The following ANK3 variants were observed in gnomAD, a reference collection of about 807,000 sequenced individuals.
The protein encoded by ANK3 is ankyrin 3.
Under a neutral mutation model 370.9 loss-of-function variants are expected in ANK3, and 57 were observed. That is an observed-to-expected ratio of 0.15 (90% CI 0.12 to 0.19). The LOEUF (loss-of-function observed/expected upper bound fraction) is 0.19. ANK3 is among the 10% of genes least tolerant of loss of function. The probability of loss-of-function intolerance (pLI) is 1.00; values close to 1 mark genes in which losing one functional copy is unlikely to be tolerated. For synonymous variants in ANK3, 1,929 were observed against 1,946.3 expected (o/e 0.99, Z 0.23); for missense variants, 4,439 against 5,302.1 (o/e 0.84, Z 5.06).
At chr10:60,561,836 A>T (rs1306880671) in intron 2 of ANK3, among the ~76,000 whole-genome samples, 1 of 152,164 alleles carries the variant, frequency 6.6e-6, no homozygotes, top group Non-Finnish European at 1.5e-5. Context: ...CAAGAGTCAT[A>T]TCAGCCAGAC....
intron 7 of ANK3, among the ~76,000 whole-genome samples, chr10:60,240,763 T>C (rs1474469276): frequency 6.6e-6 from 1 of 152,198 alleles, no homozygotes; most frequent in Non-Finnish European, 1.5e-5. Flanking sequence ...AAATAATTTT[T>C]GTATTTTTAG....
chr10:60,571,202 G>A (rs1023535510), intron 2 of ANK3, among the ~76,000 whole-genome samples: 13 of 152,216 alleles, frequency 8.5e-5, no homozygotes, highest in Non-Finnish European at 1.6e-4. Context: ...TGTACAAGAA[G>A]TCAAGGCTGA....
At chr10:60,249,769 G>A (rs1342714298) in intron 7 of ANK3, among the ~76,000 whole-genome samples, 6 of 152,128 alleles carry the variant, frequency 3.9e-5, no homozygotes, top group South Asian at 2.1e-4. Flanking sequence ...ATCAGTGGCC[G>A]ATACCCCATC....
chr10:60,573,057 T>C, intron 2 of ANK3: 1 of 962,212 alleles, frequency 1.0e-6, no homozygotes, highest in Non-Finnish European at 1.2e-6. Flanking sequence ...CCTCCCATAC[T>C]AACACATGTG....
At chr10:60,099,944 T>TA (rs1392138276) in intron 28 of ANK3, among the ~76,000 whole-genome samples, 1 of 146,630 alleles carries the variant, frequency 6.8e-6, no homozygotes, top group Non-Finnish European at 1.5e-5. Flanking sequence ...CTGTGCCTGA[T>TA]ATGGGGGGTG....
intron 2 of ANK3, among the ~76,000 whole-genome samples, chr10:60,470,886 G>T: frequency 6.6e-6 from 1 of 152,066 alleles, no homozygotes; most frequent in East Asian, 1.9e-4. Flanking sequence ...AAAATTAAAA[G>T]CAGTCATCCT....
At chr10:60,325,117 T>A (rs557828930) in intron 1 of ANK3, among the ~76,000 whole-genome samples, 1 of 152,372 alleles carries the variant, frequency 6.6e-6, no homozygotes, top group African/African-American at 2.4e-5. Flanking sequence ...TATTTGAATC[T>A]TAATGACAGC....
Position 60,055,947 on chromosome 10 carries a change from G to A in ANK3, c.12776C>T (p.Pro4259Leu). 7 of 1,614,090 alleles carry A rather than the reference G, an allele frequency of 4.3e-6. No homozygotes were observed. The highest frequency in any genetic ancestry group is 5.9e-6 in the Non-Finnish European group (7 of 1,180,026). The change falls in exon 42 of 44, where the codon CCA (proline) becomes CTA (leucine). Residue 4259 changes from proline to leucine, a missense_variant. Pro to Leu is a moderately conservative substitution (Grantham distance 98). Transcript: ENST00000280772. Reference sequence around the variant, plus strand: ...AAAGTAAGATTTTGTCTTTGCTTCTGGAGTGATTTCTGTATGGCTTCCATT... The same window carrying A: ...AAAGTAAGATTTTGTCTTTGCTTCTAGAGTGATTTCTGTATGGCTTCCATT... ...EANGSHTEIT[P>L]EAKTKSYFPE...
intron 1 of ANK3, among the ~76,000 whole-genome samples, chr10:60,703,110 T>C (rs2079567334): frequency 6.6e-6 from 1 of 152,170 alleles, no homozygotes; most frequent in Admixed American, 6.5e-5. Flanking sequence ...TGTATGGACC[T>C]TCTTAGGATC....
chr10:60,449,669 C>A (rs569653738), intron 2 of ANK3, among the ~76,000 whole-genome samples: 27 of 152,324 alleles, frequency 1.8e-4, no homozygotes, highest in African/African-American at 6.0e-4. Context: ...AATAATCATA[C>A]CTGCTTTCAC....
At position 60,724,096 on chromosome 10, in the gene ANK3, G is replaced by C. The variant is rs111582857; in HGVS notation, c.57+9167C>G. Among the ~76,000 whole-genome samples, 526 of 128,194 alleles carry C rather than the reference G, an allele frequency of 4.1e-3. 40 individuals carry two copies. The highest frequency in any genetic ancestry group is 0.014 in the African/African-American group (510 of 36,326). The allele number at this position is 128,194 out of a possible 152,430, so 84.1% of individuals were successfully genotyped here. ...GTGGTGGCGGGCGCCTGTAGTCCCA[G>C]CTACTCGGGAGGCTGAGGCAGGAAA... On this transcript the variant is annotated intron_variant, in intron 1 of 43. Coordinates refer to the ANK3 transcript ENST00000373827.
intron 1 of ANK3, among the ~76,000 whole-genome samples, chr10:60,285,055 T>C (rs562291340): frequency 1.2e-3 from 180 of 152,214 alleles, no homozygotes; most frequent in African/African-American, 4.1e-3. Context: ...ATCGCCTCTA[T>C]TTCCCAGTGC....
At chr10:60,509,243 T>C (rs1595172375) in intron 2 of ANK3, among the ~76,000 whole-genome samples, 6 of 151,722 alleles carry the variant, frequency 4.0e-5, no homozygotes, top group Admixed American at 2.0e-4. Flanking sequence ...CAAGGACATA[T>C]AACTAGCAAA....
At chr10:60,572,226 T>G (rs1234865498) in intron 2 of ANK3, among the ~76,000 whole-genome samples, 1 of 152,192 alleles carries the variant, frequency 6.6e-6, no homozygotes, top group African/African-American at 2.4e-5. Context: ...ACACACCACG[T>G]CAGTGAAATC....
intron 2 of ANK3, among the ~76,000 whole-genome samples, chr10:60,530,569 A>AG: frequency 6.6e-6 from 1 of 152,144 alleles, no homozygotes; most frequent in East Asian, 1.9e-4. Flanking sequence ...CAGGATTCTG[A>AG]GAGTGGGCGC....
intron 2 of ANK3, among the ~76,000 whole-genome samples, chr10:60,491,598 A>C (rs2075507309): frequency 6.6e-6 from 1 of 152,340 alleles, no homozygotes; most frequent in Non-Finnish European, 1.5e-5. Flanking sequence ...GCCTCAAGGA[A>C]GTTTGATATA....
At chr10:60,395,808 C>G (rs974996735) in intron 2 of ANK3, among the ~76,000 whole-genome samples, 1 of 152,070 alleles carries the variant, frequency 6.6e-6, no homozygotes, top group South Asian at 2.1e-4. Flanking sequence ...GGTCCTTGCC[C>G]TCAAGTTTCC....
chr10:60,044,478 G>T, intron 42 of ANK3: 1 of 340,754 alleles, frequency 2.9e-6, no homozygotes, highest in Non-Finnish European at 4.1e-6. Flanking sequence ...TCCAGTGCAA[G>T]GGAAAAAGGC....
intron 1 of ANK3, among the ~76,000 whole-genome samples, chr10:60,659,332 T>C (rs946535021): frequency 9.2e-5 from 14 of 152,160 alleles, no homozygotes; most frequent in Admixed American, 7.9e-4. Context: ...TTGACCCCCT[T>C]CAGTCATAGT....
Sources: allele counts gnomAD v4.1 joint callset (sites outside exome capture counted in the v4.1 genomes callset), GRCh38; gene constraint gnomAD v4.1.1; transcripts MANE v1.5; gene names NCBI Gene and HGNC (gene_info 2026-07-23, HGNC 2026-07-21).